The following ZNF536 variants were observed in gnomAD, a reference collection of about 807,000 sequenced individuals.
ZNF536 encodes zinc finger protein 536.
Under a neutral mutation model 84.5 loss-of-function variants are expected in ZNF536, and 13 were observed. The observed-to-expected ratio is 0.15, with a 90% CI of 0.10 to 0.24. ZNF536 has a LOEUF of 0.24. ZNF536 is among the 10% of genes least tolerant of loss of function. ZNF536 has a pLI of 1.00. For synonymous variants in ZNF536, 811 were observed against 742.5 expected, an observed-to-expected ratio of 1.09 and a Z score of -1.50; for missense variants, 1,536 against 1,747.5, an observed-to-expected ratio of 0.88 and a Z score of 2.16.
chr19:30,664,248 CTCTCTCT>C (rs2050235908), intron 1 of ZNF536, among the ~76,000 whole-genome samples: 1 of 148,428 alleles, frequency 6.7e-6, no homozygotes, highest in African/African-American at 2.5e-5. Context: ...CTCTCTCTCT[CTCTCTCT>C]CTCTCTCCCT....
intron 1 of ZNF536, among the ~76,000 whole-genome samples, chr19:30,266,618 T>C (rs924951336): frequency 6.6e-5 from 10 of 152,156 alleles, no homozygotes; most frequent in Non-Finnish European, 1.3e-4. Context: ...AAAAGAAAAT[T>C]TTTTTAAGGA....
chr19:30,368,285 A>G (rs1568363920), upstream of ZNF536, among the ~76,000 whole-genome samples: 1 of 152,218 alleles, frequency 6.6e-6, no homozygotes, highest in Non-Finnish European at 1.5e-5. Context: ...TCCTTAGCGT[A>G]TCTTCTTTTG....
intron 1 of ZNF536, among the ~76,000 whole-genome samples, chr19:30,622,996 G>GT (rs1297391303): frequency 7.0e-6 from 1 of 143,120 alleles, no homozygotes; most frequent in Non-Finnish European, 1.5e-5. Flanking sequence ...TGTCCTTCTG[G>GT]TTTTTTCCAG....
In ZNF536 at chr19:30,444,156, G is replaced by C. The variant is rs2148171230; in HGVS notation, c.594G>C (p.Leu198=). 1 of 1,591,280 alleles carries C rather than the reference G, an allele frequency of 6.3e-7. No homozygotes were observed. Among genetic ancestry groups the C allele is most frequent in the Non-Finnish European group, 8.5e-7 (1 of 1,170,450 alleles). Residue 198 remains leucine (L), a synonymous_variant, in exon 2 of 5, where the codon CTG becomes CTC. Coordinates refer to ENST00000355537, the MANE Select transcript of ZNF536 (RefSeq NM_014717.3). ...GGCGTGTGCGCGAGGAGAACCGCCT[G>C]CTGCACGAGCTGGAGGAGCGCGCCA... ...GRGRVREENR[L]LHELEERAIL...
chr19:30,307,387 C>CAA (rs36015954), intron 2 of ZNF536, among the ~76,000 whole-genome samples: 1,649 of 141,878 alleles, frequency 0.012, 11 homozygotes, highest in Middle Eastern at 0.064. Flanking sequence ...AGAGGACGTG[C>CAA]AAAAAAAAAA....
intron 1 of ZNF536, among the ~76,000 whole-genome samples, chr19:30,387,218 T>C (rs1489084044): frequency 6.6e-6 from 1 of 152,110 alleles, no homozygotes; most frequent in Non-Finnish European, 1.5e-5. Context: ...GAGGCCTGGA[T>C]GTGGGGAGAA....
At chr19:30,261,297 CA>C (rs66862950) in intron 1 of ZNF536, among the ~76,000 whole-genome samples, 1,310 of 23,558 alleles carry the variant, frequency 0.056, 1 homozygote, top group African/African-American at 0.17. Context: ...GACTCCGTCT[CA>C]AAAAAAAAAA....
intron 1 of ZNF536, among the ~76,000 whole-genome samples, chr19:30,582,721 C>T (rs1040042772): frequency 3.9e-5 from 6 of 152,166 alleles, no homozygotes; most frequent in East Asian, 1.9e-4. Context: ...GTGAAAGGCA[C>T]GTCTTACATG....
At chr19:30,376,414 CT>C (rs2048820509) in intron 1 of ZNF536, among the ~76,000 whole-genome samples, 1 of 152,198 alleles carries the variant, frequency 6.6e-6, no homozygotes, top group Non-Finnish European at 1.5e-5. Context: ...CCCCAGCCCC[CT>C]GCCTCCCACT....
At chr19:30,317,141 C>A (rs2046705850) in intron 2 of ZNF536, among the ~76,000 whole-genome samples, 1 of 152,218 alleles carries the variant, frequency 6.6e-6, no homozygotes. Context: ...GTTATAAACA[C>A]CTACAGCCAC....
chr19:30,357,117 C>A (rs2048120974), intron 3 of ZNF536, among the ~76,000 whole-genome samples: 1 of 152,160 alleles, frequency 6.6e-6, no homozygotes, highest in Non-Finnish European at 1.5e-5. Context: ...CATCACAGAG[C>A]AATAAATGCA....
In ZNF536 at chr19:30,444,405, C is replaced by T. The variant is rs2148182326; in HGVS notation, c.843C>T (p.Gly281=). ...GCTTCCGCTGTACCTTCTGCAAGGG[C>T]AAGTTCAAGAAGCGCGAGGAGCTGG... is the stretch of plus-strand genomic sequence containing the variant. The part of the protein sequence containing the change: ...AAGFRCTFCK[G]KFKKREELDR... Residue 281 remains glycine (G), a synonymous_variant, in exon 2 of 5, where the codon GGC becomes GGT. Coordinates refer to ENST00000355537, the MANE Select transcript of ZNF536 (RefSeq NM_014717.3). 2 of 1,607,602 alleles carry T rather than the reference C, an allele frequency of 1.2e-6. No homozygotes were observed. The highest frequency in any genetic ancestry group is 2.2e-5 in the East Asian group (1 of 44,856).
chr19:30,490,201 A>C (rs2054454292), intron 2 of ZNF536, among the ~76,000 whole-genome samples: 1 of 152,138 alleles, frequency 6.6e-6, no homozygotes, highest in Admixed American at 6.5e-5. Flanking sequence ...AGACCAGAAA[A>C]CAGTTTTGTT....
chr19:30,559,482 AC>A (rs1294189784), downstream of ZNF536, among the ~76,000 whole-genome samples: 1 of 152,150 alleles, frequency 6.6e-6, no homozygotes, highest in African/African-American at 2.4e-5. Context: ...AATGGGGTGC[AC>A]ATCGAGGGAA....
rs144328682 is a variant in ZNF536 at position 30,627,287 on chromosome 19, G to A, written c.169+77773G>A. Reference sequence around the variant, plus strand: ...TTGGAAATAGCTTGGGGAATGTAGGGAGACCCCATCTCTACAAAAAAAAAT... The same window carrying A: ...TTGGAAATAGCTTGGGGAATGTAGGAAGACCCCATCTCTACAAAAAAAAAT... On this transcript the variant is annotated intron_variant, in intron 1 of 1. Transcript: ENST00000592773. 6.6e-5 allele frequency among the ~76,000 whole-genome samples: 10 copies of A among 151,740 alleles called. No individual in the cohort carries two copies. In the East Asian group the frequency reaches 1.8e-3, roughly 27 times the overall value.
chr19:30,471,519 A>G (rs1599487262), intron 2 of ZNF536, among the ~76,000 whole-genome samples: 1 of 152,206 alleles, frequency 6.6e-6, no homozygotes, highest in South Asian at 2.1e-4. Flanking sequence ...TTTGCAGGGC[A>G]ATTGTCAGAT....
chr19:30,617,366 T>TTTTTTTTA lies in ZNF536; in HGVS notation c.169+67852_169+67853insTTTTTTTA, dbSNP rs869281886. On this transcript the variant is annotated intron_variant, in intron 1 of 1. Coordinates refer to the ZNF536 transcript ENST00000592773. Reference sequence around the variant, plus strand: ...TTTTTTTTTTTTTTTTTTTTTTTTTTATGAGATGGAGTCTGACTCTGTCAC... The same window carrying TTTTTTTTA: ...TTTTTTTTTTTTTTTTTTTTTTTTTTTTTTTTTAATGAGATGGAGTCTGACTCTGTCAC... Among the ~76,000 whole-genome samples, 45 of 115,986 alleles carry TTTTTTTTA rather than the reference T, an allele frequency of 3.9e-4. 3 individuals are homozygous for TTTTTTTTA. The highest frequency in any genetic ancestry group is 6.8e-4 in the Non-Finnish European group (38 of 55,752). 76.1% of individuals were successfully genotyped at this position (115,986 alleles called of 152,430 possible). A position where few individuals can be genotyped will look rare whatever the true frequency, so the allele number is the denominator to read the frequency against.
At chr19:30,326,576 C>T (rs952676870) in intron 2 of ZNF536, among the ~76,000 whole-genome samples, 1 of 151,962 alleles carries the variant, frequency 6.6e-6, no homozygotes, top group African/African-American at 2.4e-5. Flanking sequence ...ATGGTGACTG[C>T]CCCCGACGCA....
intron 2 of ZNF536, among the ~76,000 whole-genome samples, chr19:30,285,347 C>A (rs1600074385): frequency 6.6e-6 from 1 of 152,102 alleles, no homozygotes; most frequent in Admixed American, 6.5e-5. Context: ...TCTGTAGGCC[C>A]TGTTGTGATT....
Sources: gnomAD v4.1 joint callset for allele counts (sites outside exome capture counted in the v4.1 genomes callset) on GRCh38, gnomAD v4.1.1 for gene constraint, MANE v1.5 for transcripts, NCBI Gene and HGNC (gene_info 2026-07-23, HGNC 2026-07-21) for gene names.